The following TENM2 variants were observed in gnomAD, a reference collection of about 807,000 sequenced individuals.
TENM2 encodes the protein teneurin transmembrane protein 2.
In TENM2, 52 loss-of-function variants were observed where a neutral mutation model predicts 245.2. The observed-to-expected ratio is 0.21, with a 90% CI of 0.17 to 0.27. TENM2 has a LOEUF of 0.27. Ranked by LOEUF, TENM2 falls within the 10% of genes least tolerant of loss-of-function variation. TENM2 has a pLI of 1.00. For missense variants in TENM2, 3,046 were observed against 3,666.8 expected (o/e 0.83, Z 4.37); for synonymous variants, 1,363 against 1,438.9 (o/e 0.95, Z 1.19).
intron 1 of TENM2, among the ~76,000 whole-genome samples, chr5:167,350,136 A>G (rs979040370): frequency 1.7e-4 from 26 of 152,048 alleles, no homozygotes; most frequent in Admixed American, 1.6e-3. Flanking sequence ...AGCTTCCAAA[A>G]TCTGAGTTTG....
intron 3 of TENM2, among the ~76,000 whole-genome samples, chr5:167,917,908 A>G (rs906145063): frequency 6.6e-6 from 1 of 152,156 alleles, no homozygotes; most frequent in Non-Finnish European, 1.5e-5. Flanking sequence ...TAAAATAAAG[A>G]ATCTGTGTAA....
intron 2 of TENM2, among the ~76,000 whole-genome samples, chr5:167,510,710 CATTTT>C (rs1769891473): frequency 6.6e-6 from 1 of 151,962 alleles, no homozygotes; most frequent in Admixed American, 6.6e-5. Context: ...AGAAAGTTGA[CATTTT>C]AGTTGAGTTT....
At chr5:167,321,784 TA>T (rs1420498923) in intron 1 of TENM2, among the ~76,000 whole-genome samples, 10 of 81,334 alleles carry the variant, frequency 1.2e-4, no homozygotes, top group Admixed American at 2.9e-4. Context: ...TGCCTTGGCT[TA>T]TTTTTTTTTT....
At chr5:167,001,844 T>C in the TENM2 span, among the ~76,000 whole-genome samples, 24 of 152,256 alleles carry the variant, frequency 1.6e-4, no homozygotes, top group Admixed American at 1.3e-3. Flanking sequence ...TTTTTTTTAA[T>C]GTAGGCAAAT....
At chr5:166,999,956 G>C in the TENM2 span, among the ~76,000 whole-genome samples, 7 of 152,100 alleles carry the variant, frequency 4.6e-5, no homozygotes, top group Non-Finnish European at 1.0e-4. Flanking sequence ...AAAGGAGGTG[G>C]GGAAAGATTG....
At chr5:167,597,126 T>A (rs1776270202) in intron 2 of TENM2, among the ~76,000 whole-genome samples, 1 of 151,158 alleles carries the variant, frequency 6.6e-6, no homozygotes, top group Non-Finnish European at 1.5e-5. Context: ...AAATTTGCCA[T>A]AAACACCCAT....
At chr5:168,249,453 G>GGGGTGTGTGTGT (rs1766896071) in intron 27 of TENM2, among the ~76,000 whole-genome samples, 1 of 148,806 alleles carries the variant, frequency 6.7e-6, no homozygotes, top group African/African-American at 2.5e-5. Context: ...GTTCTCTCAA[G>GGGGTGTGTGTGT]GTGTGTGTGT....
intron 5 of TENM2, among the ~76,000 whole-genome samples, chr5:168,043,417 A>G (rs1398804754): frequency 6.6e-6 from 1 of 152,096 alleles, no homozygotes; most frequent in Non-Finnish European, 1.5e-5. Context: ...TCTGAGAGTA[A>G]ATTAAAATTG....
At chr5:167,718,993 T>C (rs1056804834) in intron 2 of TENM2, among the ~76,000 whole-genome samples, 2 of 152,232 alleles carry the variant, frequency 1.3e-5, no homozygotes, top group Non-Finnish European at 2.9e-5. Flanking sequence ...CTAGTTTTTA[T>C]GTTTTTCAGG....
chr5:167,920,385 G>A (rs1777271830), intron 3 of TENM2, among the ~76,000 whole-genome samples: 1 of 151,582 alleles, frequency 6.6e-6, no homozygotes, highest in African/African-American at 2.4e-5. Flanking sequence ...GGGCATAGTG[G>A]CGGGCACATG....
intron 2 of TENM2, among the ~76,000 whole-genome samples, chr5:167,484,669 C>T (rs1767956121): frequency 6.6e-6 from 1 of 152,286 alleles, no homozygotes; most frequent in Non-Finnish European, 1.5e-5. Flanking sequence ...CAATGAACTA[C>T]ATTAAAACAC....
intron 2 of TENM2, among the ~76,000 whole-genome samples, chr5:167,495,249 T>TTG (rs1768734695): frequency 6.6e-6 from 1 of 151,764 alleles, no homozygotes; most frequent in African/African-American, 2.4e-5. Flanking sequence ...TTTTTGTTTT[T>TTG]TTTTTTTGCA....
At chr5:167,385,439 AT>A (rs1761362553) in intron 2 of TENM2, among the ~76,000 whole-genome samples, 2 of 127,240 alleles carry the variant, frequency 1.6e-5, no homozygotes, top group Non-Finnish European at 3.4e-5. Flanking sequence ...ATTCATCTTT[AT>A]TGTATTTTTT....
intron 2 of TENM2, among the ~76,000 whole-genome samples, chr5:167,826,829 C>A (rs956838326): frequency 2.0e-5 from 3 of 152,210 alleles, no homozygotes; most frequent in Non-Finnish European, 4.4e-5. Context: ...TGAGATCATG[C>A]ACATTGAGGT....
At chr5:167,674,453 T>C (rs1458962856) in intron 2 of TENM2, among the ~76,000 whole-genome samples, 2 of 152,110 alleles carry the variant, frequency 1.3e-5, no homozygotes, top group East Asian at 1.9e-4. Context: ...CTCTAACAAA[T>C]TCACATTTTT....
the TENM2 span, among the ~76,000 whole-genome samples, chr5:167,015,779 CT>C: frequency 6.6e-6 from 1 of 151,636 alleles, no homozygotes; most frequent in Non-Finnish European, 1.5e-5. Context: ...ATTTTTTTTT[CT>C]TAGATTTGCA....
intron 2 of TENM2, among the ~76,000 whole-genome samples, chr5:167,522,374 A>G (rs1047163345): frequency 6.6e-6 from 1 of 151,664 alleles, no homozygotes; most frequent in Non-Finnish European, 1.5e-5. Context: ...TAACACTCTG[A>G]TGATTATGAA....
chr5:167,792,680 C>T (rs1765062330), intron 2 of TENM2, among the ~76,000 whole-genome samples: 1 of 150,638 alleles, frequency 6.6e-6, no homozygotes, highest in Middle Eastern at 3.4e-3. Context: ...GGAACGGTTA[C>T]CAGAGGTCAG....
chr5:167,359,212 A>T (rs1010877466), intron 1 of TENM2, among the ~76,000 whole-genome samples: 12 of 152,118 alleles, frequency 7.9e-5, no homozygotes. Context: ...AGGTCCTTAA[A>T]ATCACCTCCA....
Sources: allele counts gnomAD v4.1 joint callset (sites outside exome capture counted in the v4.1 genomes callset), GRCh38; gene constraint gnomAD v4.1.1; transcripts MANE v1.5; gene names NCBI Gene and HGNC (gene_info 2026-07-23, HGNC 2026-07-21).